AMZ1: variants seen among roughly 807,000 people sequenced by gnomAD.
The protein encoded by AMZ1 is archaemetzincin-1.
AMZ1 carries 39 observed loss-of-function variants against 29.9 expected under a neutral mutation model. The observed-to-expected ratio is 1.30, with a 90% CI of 1.01 to 1.70. The LOEUF (loss-of-function observed/expected upper bound fraction) is 1.70. Ranked by LOEUF, AMZ1 falls within the 40% of genes most tolerant of loss-of-function variation. AMZ1 has a pLI of 0.00. For missense variants in AMZ1, 1,041 were observed against 680.6 expected (o/e 1.53, Z -5.89); for synonymous variants, 458 against 304.0 (o/e 1.51, Z -5.27).
At chr7:2,707,818 CTTTTTTT>C (rs60848680) in intron 3 of AMZ1, among the ~76,000 whole-genome samples, 22 of 95,330 alleles carry the variant, frequency 2.3e-4, no homozygotes, top group African/African-American at 6.3e-4. Flanking sequence ...CTAACGAGGG[CTTTTTTT>C]TTTTTTTTTT....
chr7:2,735,360 C>T (rs1057015294), intron 4 of AMZ1, among the ~76,000 whole-genome samples: 1 of 152,238 alleles, frequency 6.6e-6, no homozygotes, highest in African/African-American at 2.4e-5. Flanking sequence ...AGAGGCAGTT[C>T]TCCTGCAGGG....
At chr7:2,743,573 A>T (rs138521021) in intron 4 of AMZ1, among the ~76,000 whole-genome samples, 2,222 of 152,338 alleles carry the variant, frequency 0.015, 67 homozygotes, top group African/African-American at 0.051. Flanking sequence ...AAGATGGCCG[A>T]ATAGGAACAG....
chr7:2,686,881 A>G (rs1261216999), upstream of AMZ1, among the ~76,000 whole-genome samples: 2 of 151,298 alleles, frequency 1.3e-5, no homozygotes, highest in Non-Finnish European at 2.9e-5. Context: ...CGCCCAGCTA[A>G]TTTTTTTATT....
chr7:2,735,899 G>A (rs1790147855), intron 4 of AMZ1, among the ~76,000 whole-genome samples: 1 of 152,106 alleles, frequency 6.6e-6, no homozygotes, highest in Non-Finnish European at 1.5e-5. Flanking sequence ...GGAGGGGAGG[G>A]AAGAAGGGGA....
chr7:2,720,177 C>G (rs1789358072), downstream of AMZ1, among the ~76,000 whole-genome samples: 1 of 152,262 alleles, frequency 6.6e-6, no homozygotes, highest in Non-Finnish European at 1.5e-5. Flanking sequence ...CCCTCTGAGA[C>G]TCGGCTCCTC....
chr7:2,733,506 CAGGA>C (rs1340870396), intron 4 of AMZ1: 3 of 1,612,516 alleles, frequency 1.9e-6, no homozygotes, highest in Non-Finnish European at 2.5e-6. Context: ...CTCCCCCTGT[CAGGA>C]AGGAAGAATA....
chr7:2,709,635 C>T lies in AMZ1; in HGVS notation c.772-5C>T. ...AGGCAAGGTGCTTGGTGGCCTTCCC[C>T]CCAGGTCACGTGCCACGAGCTCTGC... is the stretch of plus-strand genomic sequence containing the variant. On this transcript the variant is annotated splice_polypyrimidine_tract_variant and splice_region_variant and intron_variant, in intron 5 of 6. Coordinates refer to ENST00000683327, the MANE Select transcript of AMZ1 (RefSeq NM_001384743.1). 1.2e-6 allele frequency: 2 copies of T among 1,607,464 alleles called. No individual in the cohort carries two copies. Among genetic ancestry groups the T allele is most frequent in the Non-Finnish European group, 1.7e-6 (2 of 1,177,746 alleles).
At chr7:2,703,233 C>T (rs996779747) in intron 3 of AMZ1, among the ~76,000 whole-genome samples, 6 of 152,096 alleles carry the variant, frequency 3.9e-5, no homozygotes, top group African/African-American at 9.7e-5. Context: ...TGCAACCTCC[C>T]GGTTGAGGCA....
chr7:2,757,903 T>C (rs1791378694), intron 4 of AMZ1, among the ~76,000 whole-genome samples: 1 of 152,238 alleles, frequency 6.6e-6, no homozygotes, highest in African/African-American at 2.4e-5. Flanking sequence ...TTAGTGGTTC[T>C]CTGACTCCTG....
chr7:2,749,895 G>A (rs894716441), intron 4 of AMZ1, among the ~76,000 whole-genome samples: 12 of 152,162 alleles, frequency 7.9e-5, no homozygotes, highest in African/African-American at 2.2e-4. Flanking sequence ...AGAATGAGGT[G>A]CAGGCATCTT....
chr7:2,749,136 T>C (rs574151274), intron 4 of AMZ1, among the ~76,000 whole-genome samples: 16 of 152,262 alleles, frequency 1.1e-4, no homozygotes, highest in East Asian at 5.8e-4. Context: ...AGAAATACCA[T>C]TGGACCCAGC....
intron 4 of AMZ1, among the ~76,000 whole-genome samples, chr7:2,752,503 A>C (rs79242200): frequency 0.017 from 2,537 of 152,318 alleles, 90 homozygotes; most frequent in African/African-American, 0.058. Context: ...GGAAAGCAAG[A>C]AATAAAACAA....
chr7:2,709,191 G>A lies in AMZ1; in HGVS notation c.718G>A (p.Asp240Asn), dbSNP rs752902440. The change falls in exon 5 of 7, where the codon GAC (aspartate) becomes AAC (asparagine). Residue 240 changes from aspartate (D) to asparagine (N), a missense_variant. Physicochemically the swap from Asp to Asn is conservative, Grantham distance 23 (BLOSUM62 1). Coordinates refer to ENST00000683327, the MANE Select transcript of AMZ1 (RefSeq NM_001384743.1). ...AADGPEAPLQDRGWALCFSAL... is the reference protein window; with the variant it reads ...AADGPEAPLQNRGWALCFSAL... ...AGACGGCCCCGAGGCCCCCCTGCAG[G>A]ACAGGGGCTGGGCCCTGTGCTTCAG... is the stretch of plus-strand genomic sequence containing the variant. The A allele has an allele frequency of 6.5e-7, 1 of 1,534,230 alleles. No individual in the cohort carries two copies. Among genetic ancestry groups the A allele is most frequent in the Admixed American group, 2.1e-5 (1 of 47,304 alleles).
intron 4 of AMZ1, chr7:2,729,946 C>A (rs1435534148): frequency 6.6e-6 from 1 of 152,370 alleles, no homozygotes; most frequent in Non-Finnish European, 1.5e-5. Flanking sequence ...CGGGCTCCCC[C>A]AGGACAGCGG....
chr7:2,728,209 A>C lies in AMZ1; in HGVS notation n.550+18393A>C, dbSNP rs531399321. On this transcript the variant is annotated intron_variant and non_coding_transcript_variant, in intron 4 of 4. Coordinates refer to the AMZ1 transcript ENST00000489665. ...CCCTCCCAATGTTAATACACTGTGC[A>C]AAGCTTACACCATGAACAACTGACC... 7 of 152,470 alleles carry C rather than the reference A, an allele frequency of 4.6e-5. No individual in the cohort carries two copies. In the South Asian group the frequency reaches 1.2e-3, roughly 27 times the overall value. 9.4% of individuals were successfully genotyped at this position (152,470 alleles called of 1,614,324 possible).
At chr7:2,727,949 TG>T (rs1789691102) in intron 4 of AMZ1, among the ~76,000 whole-genome samples, 1 of 145,282 alleles carries the variant, frequency 6.9e-6, no homozygotes, top group Non-Finnish European at 1.5e-5. Flanking sequence ...CCCAGCTACT[TG>T]AGAGGCTGAG....
chr7:2,695,129 C>T (rs955265439), intron 1 of AMZ1, among the ~76,000 whole-genome samples: 46 of 152,300 alleles, frequency 3.0e-4, no homozygotes, highest in Admixed American at 9.2e-4. Context: ...CCTCTGGCCC[C>T]GCTGCAAGAC....
Position 2,712,935 on chromosome 7 carries a change from G to C in AMZ1, c.*57G>C. ...TAAGGATGCTGGCCAGCACTGTCCA[G>C]TAGCTGAGGCCACTACTGACCTGCC... On this transcript the variant is annotated 3_prime_UTR_variant, in exon 7 of 7. Coordinates refer to ENST00000683327, the MANE Select transcript of AMZ1 (RefSeq NM_001384743.1). 1 of 1,475,602 alleles carries C rather than the reference G, an allele frequency of 6.8e-7. No individual in the cohort carries two copies. The highest frequency in any genetic ancestry group is 2.4e-5 in the East Asian group (1 of 41,390). 91.4% of individuals were successfully genotyped at this position (1,475,602 alleles called of 1,614,324 possible).
At chr7:2,711,589 C>T (rs571671781) in intron 6 of AMZ1, among the ~76,000 whole-genome samples, 2 of 152,176 alleles carry the variant, frequency 1.3e-5, no homozygotes, top group Non-Finnish European at 2.9e-5. Flanking sequence ...ACTGCCTTTG[C>T]TTTACATTTT....
Sources: allele counts gnomAD v4.1 joint callset (sites outside exome capture counted in the v4.1 genomes callset), GRCh38; gene constraint gnomAD v4.1.1; transcripts MANE v1.5; gene names NCBI Gene and HGNC (gene_info 2026-07-23, HGNC 2026-07-21).